MPDZ: variants seen among roughly 807,000 people sequenced by gnomAD.
MPDZ encodes multiple PDZ domain crumbs cell polarity complex component, also known as multiple PDZ domain protein.
A neutral mutation model predicts 239.1 loss-of-function variants in MPDZ; 234 were observed. The ratio of observed to expected loss-of-function variants is 0.98; its 90% CI spans 0.88 to 1.09. The LOEUF (loss-of-function observed/expected upper bound fraction) is 1.09. Among genes scored for constraint, MPDZ ranks in the 50% least tolerant of loss-of-function variants. The pLI is 0.00. For synonymous variants in MPDZ, 1,048 were observed against 881.3 expected (o/e 1.19, Z -3.35); for missense variants, 3,175 against 2,510.0 (o/e 1.26, Z -5.66).
chr9:13,254,312 C>A (rs1020800163), intron 1 of MPDZ, among the ~76,000 whole-genome samples: 2 of 152,158 alleles, frequency 1.3e-5, no homozygotes, highest in African/African-American at 4.8e-5. Context: ...AATGTCCATA[C>A]ATCTTTAAAC....
At chr9:13,191,994 G>T (rs2135052253) in intron 15 of MPDZ, 137 bp downstream of exon 15, 2 of 729,562 alleles carry the variant, frequency 2.7e-6, no homozygotes, top group East Asian at 3.3e-5. Flanking sequence ...AGATTTGTCT[G>T]ACTTTAAATT....
At chr9:13,125,910 T>A (rs1292820387) in intron 34 of MPDZ, among the ~76,000 whole-genome samples, 1 of 152,192 alleles carries the variant, frequency 6.6e-6, no homozygotes, top group Non-Finnish European at 1.5e-5. Flanking sequence ...ACTGAATTTT[T>A]AAAAAGTAAC....
chr9:13,115,228 T>A lies in MPDZ; in HGVS notation c.5466+20A>T. On this transcript the variant is annotated intron_variant, in intron 40 of 46. Coordinates refer to ENST00000319217, the MANE Select transcript of MPDZ (RefSeq NM_001378778.1). Reference sequence around the variant, plus strand: ...TGGCATGCCGATTGCATCGCCCTGATGAACTCCACAGCTACCCACCTGGCT... The same window carrying A: ...TGGCATGCCGATTGCATCGCCCTGAAGAACTCCACAGCTACCCACCTGGCT... 1 of 1,603,562 alleles carries A rather than the reference T, an allele frequency of 6.2e-7. No homozygotes were observed. The highest frequency in any genetic ancestry group is 8.5e-7 in the Non-Finnish European group (1 of 1,171,900).
chr9:13,195,889 G>C (rs975579636), intron 13 of MPDZ, among the ~76,000 whole-genome samples: 1 of 151,986 alleles, frequency 6.6e-6, no homozygotes, highest in Non-Finnish European at 1.5e-5. Context: ...TTAAAATACT[G>C]ATAAAATGCA....
intron 1 of MPDZ, among the ~76,000 whole-genome samples, chr9:13,257,379 C>G (rs1375759114): frequency 2.0e-5 from 3 of 152,104 alleles, no homozygotes; most frequent in Admixed American, 2.0e-4. Flanking sequence ...GGTCAAACAG[C>G]TAGTAAATGG....
At chr9:13,239,421 G>A (rs1964840967) in intron 3 of MPDZ, among the ~76,000 whole-genome samples, 1 of 152,068 alleles carries the variant, frequency 6.6e-6, no homozygotes, top group Non-Finnish European at 1.5e-5. Flanking sequence ...TAGTATTGTT[G>A]TAATGATGAA....
chr9:13,165,489 C>A, intron 22 of MPDZ: 1 of 1,508,572 alleles, frequency 6.6e-7, no homozygotes, highest in Non-Finnish European at 9.0e-7. Context: ...ATGTGAGATG[C>A]ATACATATGT....
At chr9:13,125,063 CCT>C (rs1303458329) in intron 35 of MPDZ, among the ~76,000 whole-genome samples, 151 bp downstream of exon 35, 3 of 152,012 alleles carry the variant, frequency 2.0e-5, no homozygotes, top group Non-Finnish European at 4.4e-5. Flanking sequence ...TTCCAGAAGT[CCT>C]CTCTTTATAT....
Position 13,150,618 on chromosome 9 carries a change from G to A in MPDZ, c.3523C>T (p.Arg1175Trp), listed in dbSNP as rs367915328. 4.2e-5 allele frequency: 64 copies of A among 1,534,148 alleles called. No individual in the cohort carries two copies. Among genetic ancestry groups the A allele is most frequent in the Non-Finnish European group, 5.2e-5 (59 of 1,138,078 alleles). The change falls in exon 25 of 47, where the codon CGG (arginine) becomes TGG (tryptophan). Residue 1175 changes from arginine to tryptophan, a missense_variant. By Grantham distance (101) the Arg-to-Trp change is moderately radical (BLOSUM62 -3). Coordinates refer to ENST00000319217, the MANE Select transcript of MPDZ (RefSeq NM_001378778.1). ...CTCATCACTTCTCCATTGCTTAGCCGACTCCCCATCCCTCGTCCACCAACA... is the reference window on the plus strand; with the variant it reads ...CTCATCACTTCTCCATTGCTTAGCCAACTCCCCATCCCTCGTCCACCAACA... Reference protein sequence around the residue: ...SIVGGRGMGSRLSNGEVMRGI... With the variant: ...SIVGGRGMGSWLSNGEVMRGI...
At chr9:13,256,201 G>A (rs140305411) in intron 1 of MPDZ, among the ~76,000 whole-genome samples, 16 of 152,132 alleles carry the variant, frequency 1.1e-4, no homozygotes, top group African/African-American at 1.9e-4. Flanking sequence ...AGCCTTCACA[G>A]AATTGAAGAG....
In MPDZ at chr9:13,192,119, C is replaced by A. The variant is rs748593756; in HGVS notation, c.1968+12G>T. 11 of 1,579,330 alleles carry A rather than the reference C, an allele frequency of 7.0e-6. No homozygotes were observed. In the African/African-American group the frequency reaches 1.3e-4, roughly 19 times the overall value. On this transcript the variant is annotated intron_variant, in intron 15 of 46. Transcript: ENST00000319217. ...TATATGTAGGTTAGCCTCATGTATG[C>A]AAATCTGATACCTTTTCTGTTAGCT...
chr9:13,144,811 G>C (rs1314490016), intron 26 of MPDZ, among the ~76,000 whole-genome samples: 2 of 152,054 alleles, frequency 1.3e-5, no homozygotes, highest in Non-Finnish European at 2.9e-5. Context: ...AGTTTAAAAT[G>C]TCAACTCCTG....
chr9:13,236,818 T>G (rs537695875), intron 3 of MPDZ, among the ~76,000 whole-genome samples: 22 of 152,104 alleles, frequency 1.4e-4, no homozygotes, highest in Non-Finnish European at 3.1e-4. Flanking sequence ...TTTTAAAAAC[T>G]TCGCTCCTAC....
chr9:13,122,029 C>T, intron 37 of MPDZ, 58 bp downstream of exon 37: 1 of 1,603,292 alleles, frequency 6.2e-7, no homozygotes, highest in Non-Finnish European at 8.5e-7. Flanking sequence ...GAAAGAAACA[C>T]TCCCCCCAGG....
intron 1 of MPDZ, among the ~76,000 whole-genome samples, chr9:13,265,264 G>A (rs913123687): frequency 6.6e-6 from 1 of 152,158 alleles, no homozygotes; most frequent in African/African-American, 2.4e-5. Flanking sequence ...AATGAGCCCA[G>A]GTCGACTGTG....
intron 1 of MPDZ, among the ~76,000 whole-genome samples, chr9:13,266,629 C>G (rs1464744205): frequency 6.6e-6 from 1 of 152,040 alleles, no homozygotes; most frequent in Non-Finnish European, 1.5e-5. Flanking sequence ...TTGTTAAGAC[C>G]ACATTTAATA....
rs982524596 is a variant in MPDZ, at chr9:13,106,091, A to G, written c.*874T>C. The G allele has an allele frequency of 6.6e-6, 1 of 152,188 alleles. No homozygotes were observed. Among genetic ancestry groups the G allele is most frequent in the Non-Finnish European group, 1.5e-5 (1 of 68,030 alleles). The allele number at this position is 152,188 out of a possible 1,614,324, so 9.4% of individuals were successfully genotyped here. On this transcript the variant is annotated 3_prime_UTR_variant, in exon 47 of 47. Coordinates refer to ENST00000319217, the MANE Select transcript of MPDZ (RefSeq NM_001378778.1). ...ATGAATTGAAAACCAATTGCACAGC[A>G]CACTAACACATTTTTAATGTTGCAT...
intron 1 of MPDZ, among the ~76,000 whole-genome samples, chr9:13,263,144 C>G (rs1971059053): frequency 2.0e-5 from 3 of 151,858 alleles, no homozygotes; most frequent in African/African-American, 4.8e-5. Flanking sequence ...TCAAAAACTT[C>G]CAGGAAAGGG....
chr9:13,115,447 G>A (rs983739613), intron 39 of MPDZ, 113 bp from the exon 40 acceptor site: 1 of 839,872 alleles, frequency 1.2e-6, no homozygotes, highest in Non-Finnish European at 1.9e-6. Flanking sequence ...CTTCCTTTTG[G>A]AATTTCTATA....
Sources: gnomAD v4.1 joint callset for allele counts (sites outside exome capture counted in the v4.1 genomes callset) on GRCh38, gnomAD v4.1.1 for gene constraint, MANE v1.5 for transcripts, NCBI Gene and HGNC (gene_info 2026-07-23, HGNC 2026-07-21) for gene names.